Variants in TBC1D15 observed in about 807,000 individuals in gnomAD.
The protein encoded by TBC1D15 is GAP for RAB7.
In TBC1D15, 39 loss-of-function variants were observed where a neutral mutation model predicts 95.4. The ratio of observed to expected loss-of-function variants is 0.41; its 90% CI spans 0.32 to 0.53. The LOEUF (loss-of-function observed/expected upper bound fraction) is 0.53, where lower values mean the gene tolerates loss of function less well. TBC1D15 is among the 20% of genes least tolerant of loss of function. The pLI is 0.29. For synonymous variants in TBC1D15, 258 were observed against 261.3 expected (o/e 0.99, Z 0.12); for missense variants, 733 against 794.3 (o/e 0.92, Z 0.93).
chr12:71,853,859 C>CT (rs1294806659), intron 1 of TBC1D15, among the ~76,000 whole-genome samples: 1 of 152,200 alleles, frequency 6.6e-6, no homozygotes, highest in Non-Finnish European at 1.5e-5. Flanking sequence ...ATTTCCCACT[C>CT]TGACTGGTGC....
chr12:71,906,977 T>C, intron 10 of TBC1D15, 45 bp from the exon 11 acceptor site: 1 of 1,267,444 alleles, frequency 7.9e-7, no homozygotes, highest in Non-Finnish European at 1.1e-6. Flanking sequence ...TATCACAATC[T>C]GTTTTTTGGA....
intron 8 of TBC1D15, 186 bp downstream of exon 8, chr12:71,896,261 G>A: frequency 1.9e-6 from 1 of 514,378 alleles, no homozygotes; most frequent in East Asian, 3.3e-5. Flanking sequence ...CCTGGATTGA[G>A]TAGGACAGAG....
intron 8 of TBC1D15, 40 bp downstream of exon 8, chr12:71,896,115 C>CT (rs1262384592): frequency 6.6e-7 from 1 of 1,523,606 alleles, no homozygotes; most frequent in Non-Finnish European, 8.9e-7. Context: ...TTATAAACTC[C>CT]TAGTATTTAG....
intron 1 of TBC1D15, chr12:71,849,545 T>C (rs1887224198): frequency 1.4e-6 from 1 of 719,274 alleles, no homozygotes; most frequent in Non-Finnish European, 2.6e-6. Flanking sequence ...TCAACTTCAT[T>C]ATCACGTTAC....
At chr12:71,922,092 GC>G (rs745789541) in intron 16 of TBC1D15, among the ~76,000 whole-genome samples, 1 of 151,904 alleles carries the variant, frequency 6.6e-6, no homozygotes, top group East Asian at 1.9e-4. Context: ...TCATGACTTT[GC>G]TTTTTTTTTG....
chr12:71,903,797 A>G (rs956682372), intron 10 of TBC1D15, among the ~76,000 whole-genome samples: 1 of 152,170 alleles, frequency 6.6e-6, no homozygotes, highest in African/African-American at 2.4e-5. Flanking sequence ...AGTAGGAGAT[A>G]AACATTAAGC....
At position 71,840,552 on chromosome 12, in the gene TBC1D15, G is replaced by C. The variant is rs112757178; in HGVS notation, c.30+741G>C. The stretch of plus-strand genomic sequence containing the variant: ...AGATTTCGTCGAATAGTGCCTATTC[G>C]CGTTCCGAGGGCACATCTTATGCAT... On this transcript the variant is annotated intron_variant, in intron 1 of 16. Coordinates refer to ENST00000485960, the MANE Select transcript of TBC1D15 (RefSeq NM_001146213.3). Among the ~76,000 whole-genome samples the C allele has an allele frequency of 3.1e-4, 47 of 152,210 alleles. 1 individual carries two copies. Among genetic ancestry groups the C allele is most frequent in the Admixed American group, 1.7e-3 (26 of 15,300 alleles).
intron 11 of TBC1D15, among the ~76,000 whole-genome samples, chr12:71,909,555 G>A (rs1901661875): frequency 6.6e-6 from 1 of 152,108 alleles, no homozygotes; most frequent in African/African-American, 2.4e-5. Flanking sequence ...GGTTAAATTA[G>A]GAGAGTGTCT....
At position 71,880,492 on chromosome 12, in the gene TBC1D15, G is replaced by C; in HGVS notation, c.228G>C (p.Trp76Cys). 1 of 1,603,900 alleles carries C rather than the reference G, an allele frequency of 6.2e-7. No homozygotes were observed. Among genetic ancestry groups the C allele is most frequent in the Non-Finnish European group, 8.5e-7 (1 of 1,174,058 alleles). ...AGGACTCCAGTTCAGTTGTAGAATGGACTCAGGCCCCAAAAGAAAGAGGTC... is the reference window on the plus strand; with the variant it reads ...AGGACTCCAGTTCAGTTGTAGAATGCACTCAGGCCCCAAAAGAAAGAGGTC... ...ARKDSSSVVE[W>C]TQAPKERGHR... The change falls in exon 4 of 17, where the codon TGG (tryptophan) becomes TGC (cysteine). Residue 76 changes from tryptophan to cysteine, a missense_variant. Coordinates refer to ENST00000485960, the MANE Select transcript of TBC1D15 (RefSeq NM_001146213.3).
chr12:71,871,616 A>C (rs1272673643), intron 1 of TBC1D15, among the ~76,000 whole-genome samples: 2 of 152,220 alleles, frequency 1.3e-5, no homozygotes, highest in Non-Finnish European at 2.9e-5. Flanking sequence ...GAGTTCTTGC[A>C]GTATTGTCCA....
intron 3 of TBC1D15, among the ~76,000 whole-genome samples, chr12:71,875,516 A>AT (rs1592739147): frequency 1.3e-5 from 2 of 150,512 alleles, no homozygotes. Flanking sequence ...TAGCTCTTAT[A>AT]TTTAGATTGG....
intron 16 of TBC1D15, 87 bp downstream of exon 16, chr12:71,921,541 G>T: frequency 1.3e-6 from 1 of 769,874 alleles, no homozygotes; most frequent in Non-Finnish European, 2.0e-6. Context: ...AAATAAAATA[G>T]CAACTTTAGT....
At chr12:71,896,430 G>A (rs1898184230) in intron 8 of TBC1D15, 2 of 467,470 alleles carry the variant, frequency 4.3e-6, no homozygotes, top group Admixed American at 3.8e-5. Flanking sequence ...CAGTCACACT[G>A]TCTGTCTGCT....
At chr12:71,919,819 C>A (rs1868561169) in intron 14 of TBC1D15, among the ~76,000 whole-genome samples, 1 of 152,174 alleles carries the variant, frequency 6.6e-6, no homozygotes, top group African/African-American at 2.4e-5. Context: ...CAAAAAATTG[C>A]ATCCTCAGGC....
intron 1 of TBC1D15, among the ~76,000 whole-genome samples, chr12:71,863,885 A>G (rs975603147): frequency 2.0e-5 from 3 of 150,764 alleles, no homozygotes; most frequent in African/African-American, 2.4e-5. Flanking sequence ...TATTATTTCT[A>G]TTTCTTTATG....
At chr12:71,895,766 A>G (rs917352371) in intron 7 of TBC1D15, among the ~76,000 whole-genome samples, 181 bp from the exon 8 acceptor site, 37 of 152,080 alleles carry the variant, frequency 2.4e-4, no homozygotes, top group Non-Finnish European at 5.1e-4. Flanking sequence ...TGTGTTTAGT[A>G]GAAGGGAAAT....
At chr12:71,853,490 G>T (rs978681024) in intron 1 of TBC1D15, among the ~76,000 whole-genome samples, 8 of 152,154 alleles carry the variant, frequency 5.3e-5, no homozygotes, top group African/African-American at 1.9e-4. Flanking sequence ...TTGAACATAT[G>T]GGATAGACTT....
intron 1 of TBC1D15, among the ~76,000 whole-genome samples, chr12:71,871,471 A>G (rs1364674344): frequency 2.6e-5 from 4 of 152,228 alleles, no homozygotes. Context: ...GAATAGTTAG[A>G]AAGGATTGAT....
chr12:71,852,658 C>T (rs909074884), intron 1 of TBC1D15, among the ~76,000 whole-genome samples: 2 of 152,132 alleles, frequency 1.3e-5, no homozygotes, highest in Non-Finnish European at 2.9e-5. Context: ...CACTGGATAC[C>T]CTAAATCATC....
Sources: allele counts gnomAD v4.1 joint callset (sites outside exome capture counted in the v4.1 genomes callset), GRCh38; gene constraint gnomAD v4.1.1; transcripts MANE v1.5; gene names NCBI Gene and HGNC (gene_info 2026-07-23, HGNC 2026-07-21).